Variants in SFSWAP observed in about 807,000 individuals in gnomAD.
SFSWAP encodes splicing factor, suppressor of white-apricot homolog.
SFSWAP carries 17 observed loss-of-function variants against 100.7 expected under a neutral mutation model. That is an observed-to-expected ratio of 0.17 (90% CI 0.12 to 0.25). The LOEUF (loss-of-function observed/expected upper bound fraction) is 0.25, where lower values mean the gene tolerates loss of function less well. SFSWAP is among the 10% of genes least tolerant of loss of function. SFSWAP has a pLI of 1.00. For synonymous variants in SFSWAP, 504 were observed against 510.1 expected (o/e 0.99, Z 0.16); for missense variants, 1,005 against 1,262.6 (o/e 0.80, Z 3.09).
intron 3 of SFSWAP, among the ~76,000 whole-genome samples, chr12:131,715,442 C>T (rs1184427985): frequency 6.6e-6 from 1 of 152,198 alleles, no homozygotes; most frequent in Non-Finnish European, 1.5e-5. Flanking sequence ...TTGATGCCAC[C>T]TAGGGCATAT....
chr12:131,789,636 A>G (rs985992806), intron 15 of SFSWAP, among the ~76,000 whole-genome samples: 3 of 126,372 alleles, frequency 2.4e-5, no homozygotes, highest in Non-Finnish European at 5.1e-5. Flanking sequence ...ACCCCTTCCC[A>G]TCCCGCCCAT....
intron 16 of SFSWAP, among the ~76,000 whole-genome samples, chr12:131,798,546 C>T (rs1395593042): frequency 1.3e-5 from 2 of 152,118 alleles, no homozygotes; most frequent in African/African-American, 4.8e-5. Context: ...AATTTGTAAA[C>T]ATTTCAGATG....
At chr12:131,716,701 C>G (rs754130787) in intron 3 of SFSWAP, among the ~76,000 whole-genome samples, 3 of 152,214 alleles carry the variant, frequency 2.0e-5, no homozygotes, top group Non-Finnish European at 4.4e-5. Context: ...CACTTTCGCA[C>G]TTCAGCAACA....
intron 8 of SFSWAP, among the ~76,000 whole-genome samples, chr12:131,754,117 G>A (rs996289422): frequency 2.0e-5 from 3 of 152,252 alleles, no homozygotes; most frequent in South Asian, 4.2e-4. Flanking sequence ...TGATTGGGGG[G>A]AAATGTTAAT....
chr12:131,776,082 C>G (rs1045869932), intron 13 of SFSWAP, among the ~76,000 whole-genome samples: 1 of 152,070 alleles, frequency 6.6e-6, no homozygotes, highest in Admixed American at 6.6e-5. Context: ...ACCCCGGCAA[C>G]AGAGCAAGAC....
intron 8 of SFSWAP, 126 bp downstream of exon 8, chr12:131,753,489 G>T: frequency 8.1e-7 from 1 of 1,229,914 alleles, no homozygotes; most frequent in Non-Finnish European, 1.1e-6. Context: ...TGTCTGAGTA[G>T]TTATTATTCC....
chr12:131,798,739 A>T (rs1413225318), intron 16 of SFSWAP, among the ~76,000 whole-genome samples: 2 of 151,974 alleles, frequency 1.3e-5, no homozygotes, highest in Non-Finnish European at 2.9e-5. Flanking sequence ...AAAATACAAA[A>T]ATTAGCCGGG....
chr12:131,772,619 G>T, intron 13 of SFSWAP, among the ~76,000 whole-genome samples: 1 of 152,068 alleles, frequency 6.6e-6, no homozygotes, highest in East Asian at 1.9e-4. Flanking sequence ...CAGGCTCTGC[G>T]CTGGCCTCAC....
chr12:131,789,517 C>G (rs1346289043), intron 15 of SFSWAP, among the ~76,000 whole-genome samples: 1 of 152,110 alleles, frequency 6.6e-6, no homozygotes, highest in African/African-American at 2.4e-5. Context: ...ACCTGGGTAA[C>G]AGAGTGAAAC....
At chr12:131,715,248 C>T (rs1381338649) in intron 3 of SFSWAP, among the ~76,000 whole-genome samples, 1 of 152,104 alleles carries the variant, frequency 6.6e-6, no homozygotes, top group African/African-American at 2.4e-5. Context: ...CATTAATATC[C>T]TCAGGGATTC....
Position 131,755,474 on chromosome 12 carries a change from A to G in SFSWAP, c.1543A>G (p.Met515Val). The part of the protein sequence containing the change: ...FFLQKEGGDS[M>V]QAVSAPEEAP... ...CCTCCAGAAAGAAGGGGGCGATAGC[A>G]TGCAGGTACGTGTCTGAATGCAGGG... The change falls in exon 10 of 18, where the codon ATG becomes GTG. Residue 515 changes from methionine to valine, a missense_variant. Physicochemically the swap from Met to Val is conservative, Grantham distance 21. Transcript: ENST00000261674. 1 of 1,611,474 alleles carries G rather than the reference A, an allele frequency of 6.2e-7. No individual in the cohort carries two copies. Among genetic ancestry groups the G allele is most frequent in the Non-Finnish European group, 8.5e-7 (1 of 1,177,658 alleles).
chr12:131,798,750 C>T (rs1039364758), intron 16 of SFSWAP, among the ~76,000 whole-genome samples: 37 of 151,882 alleles, frequency 2.4e-4, no homozygotes, highest in African/African-American at 8.9e-4. Flanking sequence ...ATTAGCCGGG[C>T]ATGGTGGCAC....
intron 7 of SFSWAP, among the ~76,000 whole-genome samples, chr12:131,740,463 A>G (rs1880497622): frequency 6.6e-6 from 1 of 152,128 alleles, no homozygotes; most frequent in African/African-American, 2.4e-5. Flanking sequence ...TTTTTCATGG[A>G]CTATATTGTA....
intron 13 of SFSWAP, among the ~76,000 whole-genome samples, chr12:131,766,982 A>G (rs1246309065): frequency 6.6e-6 from 1 of 151,650 alleles, no homozygotes; most frequent in African/African-American, 2.4e-5. Flanking sequence ...CCTTCAGTAG[A>G]CACTGGCTCC....
intron 15 of SFSWAP, among the ~76,000 whole-genome samples, chr12:131,791,846 C>T (rs970687784): frequency 6.6e-6 from 1 of 152,276 alleles, no homozygotes; most frequent in African/African-American, 2.4e-5. Context: ...ATACCTAAGC[C>T]AGATAAGGAT....
chr12:131,747,801 T>C (rs537576516), intron 7 of SFSWAP, among the ~76,000 whole-genome samples: 5 of 152,316 alleles, frequency 3.3e-5, no homozygotes, highest in African/African-American at 1.2e-4. Context: ...GCTTGAAATA[T>C]GTACGAGACA....
chr12:131,772,345 GATGT>G, intron 13 of SFSWAP, among the ~76,000 whole-genome samples: 1 of 152,196 alleles, frequency 6.6e-6, no homozygotes, highest in South Asian at 2.1e-4. Flanking sequence ...AGTTGTAAAT[GATGT>G]CCTAAAGTGT....
chr12:131,768,142 G>T (rs1883274692), intron 13 of SFSWAP, among the ~76,000 whole-genome samples: 2 of 152,216 alleles, frequency 1.3e-5, no homozygotes, highest in Admixed American at 1.3e-4. Flanking sequence ...TACTGCAGCT[G>T]CATTTCCCAT....
intron 15 of SFSWAP, among the ~76,000 whole-genome samples, chr12:131,787,603 C>G (rs1176846622): frequency 6.6e-6 from 1 of 152,210 alleles, no homozygotes; most frequent in Admixed American, 6.5e-5. Context: ...CTTCATAACA[C>G]GGCACTGCTA....
Sources: allele counts gnomAD v4.1 joint callset (sites outside exome capture counted in the v4.1 genomes callset), GRCh38; gene constraint gnomAD v4.1.1; transcripts MANE v1.5; gene names NCBI Gene and HGNC (gene_info 2026-07-23, HGNC 2026-07-21).